Variants in SRD5A2 observed in about 807,000 individuals in gnomAD.
SRD5A2 encodes the protein 3-oxo-5-alpha-steroid 4-dehydrogenase 2.
Under a neutral mutation model 27.4 loss-of-function variants are expected in SRD5A2, and 30 were observed. The ratio of observed to expected loss-of-function variants is 1.10; its 90% CI spans 0.82 to 1.49. The LOEUF (loss-of-function observed/expected upper bound fraction) is 1.49, where lower values mean the gene tolerates loss of function less well. SRD5A2 is among the 40% of genes most tolerant of loss of function. SRD5A2 has a pLI of 0.00. For missense variants in SRD5A2, 348 were observed against 323.4 expected, an observed-to-expected ratio of 1.08 and a Z score of -0.58; for synonymous variants, 141 against 133.6, an observed-to-expected ratio of 1.06 and a Z score of -0.38.
chr2:31,562,079 C>T (rs1011150124), intron 1 of SRD5A2, among the ~76,000 whole-genome samples: 2 of 152,150 alleles, frequency 1.3e-5, no homozygotes, highest in Admixed American at 6.5e-5. Flanking sequence ...ATAACAGGCA[C>T]TTTCACTGTT....
the SRD5A2 span, among the ~76,000 whole-genome samples, chr2:31,625,253 G>C: frequency 3.3e-5 from 5 of 152,114 alleles, no homozygotes; most frequent in African/African-American, 1.2e-4. Context: ...GTAGATTCTG[G>C]ATATTAACCC....
the SRD5A2 span, among the ~76,000 whole-genome samples, chr2:31,634,763 A>G: frequency 6.6e-6 from 1 of 152,044 alleles, no homozygotes; most frequent in African/African-American, 2.4e-5. Context: ...TAGCTCCCAC[A>G]TATAAATGAG....
At chr2:31,634,682 G>A in the SRD5A2 span, among the ~76,000 whole-genome samples, 1 of 151,448 alleles carries the variant, frequency 6.6e-6, no homozygotes, top group Non-Finnish European at 1.5e-5. Context: ...TTTTATCCTT[G>A]TCTACTCCCT....
intron 1 of SRD5A2, among the ~76,000 whole-genome samples, chr2:31,577,162 T>TAAAAAAAAAAAAAAAA (rs10683997): frequency 3.5e-5 from 2 of 57,174 alleles, no homozygotes; most frequent in Non-Finnish European, 5.9e-5. Flanking sequence ...AAAAAAACAT[T>TAAAAAAAAAAAAAAAA]AAAAAAAAAA....
At chr2:31,625,598 C>T in the SRD5A2 span, among the ~76,000 whole-genome samples, 4 of 152,148 alleles carry the variant, frequency 2.6e-5, no homozygotes, top group South Asian at 2.1e-4. Flanking sequence ...GTTTTCCCAG[C>T]GACATTTATT....
chr2:31,631,050 C>G, the SRD5A2 span, among the ~76,000 whole-genome samples: 1 of 152,180 alleles, frequency 6.6e-6, no homozygotes, highest in Non-Finnish European at 1.5e-5. Context: ...AAAGTACTTA[C>G]AGAATCAAAA....
intron 1 of SRD5A2, among the ~76,000 whole-genome samples, chr2:31,549,495 T>G (rs1417726916): frequency 6.6e-6 from 1 of 152,270 alleles, no homozygotes; most frequent in South Asian, 2.1e-4. Context: ...GTATTTAATG[T>G]CACTCAAAAT....
At chr2:31,553,560 T>C (rs996716699) in intron 1 of SRD5A2, among the ~76,000 whole-genome samples, 1 of 152,070 alleles carries the variant, frequency 6.6e-6, no homozygotes, top group Admixed American at 6.6e-5. Flanking sequence ...CAAGGACACA[T>C]CAATAATACC....
At chr2:31,617,326 G>A in the SRD5A2 span, among the ~76,000 whole-genome samples, 1 of 152,078 alleles carries the variant, frequency 6.6e-6, no homozygotes, top group Non-Finnish European at 1.5e-5. Flanking sequence ...CAGCACACAG[G>A]AGGGGGCCCC....
chr2:31,612,913 AG>A, the SRD5A2 span, among the ~76,000 whole-genome samples: 2 of 152,210 alleles, frequency 1.3e-5, no homozygotes, highest in Admixed American at 1.3e-4. Flanking sequence ...AACACACCAT[AG>A]GGAAAGAACA....
Position 31,523,439 on chromosome 2 carries a change from T to C in SRD5A2, c.*2757A>G, listed in dbSNP as rs187896761. ...TGACCCTCAAAGGGACAAAATGAGA[T>C]GGCTGCTCTGACCAGCTCTGTACCA... On this transcript the variant is annotated 3_prime_UTR_variant, in exon 5 of 5. Transcript: ENST00000622030. 1.2e-3 allele frequency: 274 copies of C among 219,916 alleles called. No individual in the cohort carries two copies. The highest frequency in any genetic ancestry group is 2.1e-3 in the Non-Finnish European group (225 of 109,664). 13.6% of individuals were successfully genotyped at this position (219,916 alleles called of 1,614,324 possible).
At chr2:31,621,125 C>T in the SRD5A2 span, among the ~76,000 whole-genome samples, 1 of 151,596 alleles carries the variant, frequency 6.6e-6, no homozygotes, top group Non-Finnish European at 1.5e-5. Flanking sequence ...TGGTTTCCTT[C>T]AATAGTAACA....
At chr2:31,647,070 G>T in the SRD5A2 span, among the ~76,000 whole-genome samples, 1 of 151,298 alleles carries the variant, frequency 6.6e-6, no homozygotes, top group African/African-American at 2.4e-5. Context: ...TCTTGAATCT[G>T]AGAGGTGGAG....
chr2:31,609,455 AT>A, the SRD5A2 span, among the ~76,000 whole-genome samples: 23 of 152,280 alleles, frequency 1.5e-4, no homozygotes, highest in South Asian at 4.8e-3. Flanking sequence ...CCAAAAGTCA[AT>A]GTATACATCT....
chr2:31,662,916 C>G, the SRD5A2 span, among the ~76,000 whole-genome samples: 14 of 152,252 alleles, frequency 9.2e-5, no homozygotes, highest in Admixed American at 8.5e-4. Context: ...ACGTGTCACT[C>G]TGACAGCTCC....
At chr2:31,660,839 C>T in the SRD5A2 span, among the ~76,000 whole-genome samples, 2 of 151,722 alleles carry the variant, frequency 1.3e-5, no homozygotes, top group African/African-American at 2.4e-5. Flanking sequence ...GAGTCCCATG[C>T]TGCTGTTAAA....
the SRD5A2 span, among the ~76,000 whole-genome samples, chr2:31,653,763 G>A: frequency 2.2e-4 from 34 of 152,218 alleles, no homozygotes; most frequent in Admixed American, 2.2e-3. Context: ...GGGTTCAAGC[G>A]ATTCTCCTGC....
At chr2:31,583,675 A>C (rs1042407707), upstream of SRD5A2, among the ~76,000 whole-genome samples, 14 of 150,690 alleles carry the variant, frequency 9.3e-5, no homozygotes, top group Non-Finnish European at 1.6e-4. Context: ...AAAAAAAAAA[A>C]CACCACTACC....
At chr2:31,651,000 T>C in the SRD5A2 span, among the ~76,000 whole-genome samples, 1 of 152,120 alleles carries the variant, frequency 6.6e-6, no homozygotes, top group African/African-American at 2.4e-5. Flanking sequence ...TGACTAACTA[T>C]AGATCTCCAC....
Sources: allele counts gnomAD v4.1 joint callset (sites outside exome capture counted in the v4.1 genomes callset), GRCh38; gene constraint gnomAD v4.1.1; transcripts MANE v1.5; gene names NCBI Gene and HGNC (gene_info 2026-07-23, HGNC 2026-07-21).